ASTN2: variants seen among roughly 807,000 people sequenced by gnomAD.
The protein encoded by ASTN2 is astrotactin 2.
ASTN2 carries 54 observed loss-of-function variants against 139.8 expected under a neutral mutation model. The observed-to-expected ratio is 0.39, with a 90% CI of 0.31 to 0.48. The LOEUF is 0.48. Ranked by LOEUF, ASTN2 falls within the 20% of genes least tolerant of loss-of-function variation. The pLI, the probability that ASTN2 is intolerant of heterozygous loss-of-function variation, is 0.95. For missense variants in ASTN2, 1,565 were observed against 1,725.1 expected, an observed-to-expected ratio of 0.91 and a Z score of 1.64; for synonymous variants, 756 against 719.5, an observed-to-expected ratio of 1.05 and a Z score of -0.81.
chr9:116,749,379 G>A (rs1311708022), intron 13 of ASTN2, among the ~76,000 whole-genome samples: 5 of 152,136 alleles, frequency 3.3e-5, no homozygotes, highest in Non-Finnish European at 7.4e-5. Flanking sequence ...ACATGAGAGA[G>A]CTATAATGAG....
At chr9:116,778,625 G>A (rs1372337) in intron 13 of ASTN2, among the ~76,000 whole-genome samples, 26,630 of 152,016 alleles carry the variant, frequency 0.18, 2,367 homozygotes, top group East Asian at 0.24. Flanking sequence ...TTCCCCTGAT[G>A]ACTAGCTATA....
At chr9:117,308,880 T>A (rs1827864643) in intron 1 of ASTN2, among the ~76,000 whole-genome samples, 1 of 152,166 alleles carries the variant, frequency 6.6e-6, no homozygotes, top group Non-Finnish European at 1.5e-5. Context: ...ACTCCTAGAC[T>A]AGTGCGGCTA....
chr9:116,429,362 T>G lies in ASTN2; in HGVS notation c.3783-3274A>C, dbSNP rs946485478. ...CTGAAAAAAAAAAAAAAAAAAAAAG[T>G]AACCAAGTGGAGTGCACACTCAGGT... is the stretch of plus-strand genomic sequence containing the variant. On this transcript the variant is annotated intron_variant, in intron 22 of 22. Coordinates refer to ENST00000313400, the MANE Select transcript of ASTN2 (RefSeq NM_001365068.1). 2.4e-3 allele frequency among the ~76,000 whole-genome samples: 138 copies of G among 57,760 alleles called. 1 individual carries two copies. Among genetic ancestry groups the G allele is most frequent in the African/African-American group, 7.6e-3 (128 of 16,826 alleles). 37.9% of individuals were successfully genotyped at this position (57,760 alleles called of 152,430 possible).
intron 6 of ASTN2, among the ~76,000 whole-genome samples, chr9:117,020,306 A>G (rs778086909): frequency 6.6e-6 from 1 of 151,914 alleles, no homozygotes; most frequent in Non-Finnish European, 1.5e-5. Flanking sequence ...AAATTGTAGT[A>G]GTGAGTCAAA....
chr9:116,698,468 C>G lies in ASTN2; in HGVS notation c.2806+27303G>C, dbSNP rs1860997288. The G allele has an allele frequency of 6.2e-7, 1 of 1,613,814 alleles. No individual in the cohort carries two copies. The highest frequency in any genetic ancestry group is 1.3e-5 in the African/African-American group (1 of 74,890). ...AGGCTGTGTCTCGCTGTGACTACTT[C>G]CTGGCCAAGATCAAGCAGGCAGATG... is the stretch of plus-strand genomic sequence containing the variant. On this transcript the variant is annotated intron_variant, in intron 16 of 22. Coordinates refer to ENST00000313400, the MANE Select transcript of ASTN2 (RefSeq NM_001365068.1). This position sits in a 1 kb window ranked among gnomAD's most constrained non-coding sequence, Gnocchi z 4.4.
intron 10 of ASTN2, among the ~76,000 whole-genome samples, chr9:116,940,565 G>A (rs1007429918): frequency 1.3e-5 from 2 of 152,254 alleles, no homozygotes; most frequent in South Asian, 4.2e-4. Context: ...ATTTATAAAA[G>A]CTCATAGAAT....
intron 1 of ASTN2, among the ~76,000 whole-genome samples, chr9:117,303,467 C>T (rs1490648406): frequency 6.6e-6 from 1 of 152,102 alleles, no homozygotes; most frequent in Non-Finnish European, 1.5e-5. Flanking sequence ...CTACCCTCTC[C>T]TTCACCCCTG....
At position 116,425,761 on chromosome 9, in the gene ASTN2, C is replaced by T; in HGVS notation, c.*90G>A. On this transcript the variant is annotated 3_prime_UTR_variant, in exon 23 of 23. Coordinates refer to ENST00000313400, the MANE Select transcript of ASTN2 (RefSeq NM_001365068.1). ...ATCTGCTAGGCCCATCCTCAGCTGT[C>T]CCCCAGCCCACCCAGGCCCCAGGAT... is the stretch of plus-strand genomic sequence containing the variant. 6.2e-6 allele frequency: 10 copies of T among 1,605,166 alleles called. No homozygotes were observed. Among genetic ancestry groups the T allele is most frequent in the Middle Eastern group, 3.3e-4 (2 of 5,994 alleles).
At chr9:116,725,418 G>A (rs183131209) in intron 16 of ASTN2, among the ~76,000 whole-genome samples, 12 of 152,034 alleles carry the variant, frequency 7.9e-5, no homozygotes, top group South Asian at 4.2e-4. Flanking sequence ...AGAAGAAAGT[G>A]TCAAGAAGAC....
At chr9:116,598,635 A>G (rs1200925271) in intron 19 of ASTN2, among the ~76,000 whole-genome samples, 2 of 152,248 alleles carry the variant, frequency 1.3e-5, no homozygotes, top group Admixed American at 6.5e-5. Flanking sequence ...TAAAGAGACA[A>G]TAACAAGAGT....
intron 13 of ASTN2, among the ~76,000 whole-genome samples, chr9:116,783,550 T>C (rs984376271): frequency 6.6e-6 from 1 of 152,300 alleles, no homozygotes; most frequent in East Asian, 1.9e-4. Flanking sequence ...ATTATTAATA[T>C]ATATCCAACT....
At chr9:116,932,844 A>G (rs1429811121) in intron 10 of ASTN2, among the ~76,000 whole-genome samples, 6 of 151,956 alleles carry the variant, frequency 3.9e-5, no homozygotes, top group Non-Finnish European at 8.8e-5. Context: ...CGTCTCTACT[A>G]AAAATCCAAA....
chr9:117,375,691 G>A (rs1163273829), intron 1 of ASTN2, among the ~76,000 whole-genome samples: 1 of 152,202 alleles, frequency 6.6e-6, no homozygotes, highest in Non-Finnish European at 1.5e-5. Context: ...ACCACTTAGT[G>A]AGGATGTGTG....
intron 13 of ASTN2, among the ~76,000 whole-genome samples, chr9:116,752,095 C>T (rs1777906924): frequency 6.6e-6 from 1 of 152,142 alleles, no homozygotes; most frequent in South Asian, 2.1e-4. Context: ...GACTTTAAGA[C>T]TTACTATAAA....
intron 2 of ASTN2, among the ~76,000 whole-genome samples, chr9:117,247,289 C>T (rs1833408359): frequency 2.0e-5 from 3 of 152,186 alleles, no homozygotes. Flanking sequence ...AACTTAGGGT[C>T]TTTTGAGGCT....
At chr9:117,274,169 C>T (rs1352303130) in intron 2 of ASTN2, among the ~76,000 whole-genome samples, 2 of 151,902 alleles carry the variant, frequency 1.3e-5, no homozygotes, top group Non-Finnish European at 2.9e-5. Flanking sequence ...GCTAACATGG[C>T]GAAACCCCGT....
intron 16 of ASTN2, among the ~76,000 whole-genome samples, chr9:116,704,245 T>C (rs1215823517): frequency 6.6e-6 from 1 of 152,218 alleles, no homozygotes; most frequent in Non-Finnish European, 1.5e-5. Flanking sequence ...TTTTAATTAA[T>C]TTGTTAACCA....
At chr9:117,307,199 G>A (rs1835022754) in intron 1 of ASTN2, among the ~76,000 whole-genome samples, 1 of 152,200 alleles carries the variant, frequency 6.6e-6, no homozygotes, top group Non-Finnish European at 1.5e-5. Flanking sequence ...GTGAATCTAT[G>A]CATCTGAATC....
At chr9:117,248,360 G>C (rs1470341496) in intron 2 of ASTN2, among the ~76,000 whole-genome samples, 1 of 152,118 alleles carries the variant, frequency 6.6e-6, no homozygotes, top group African/African-American at 2.4e-5. Context: ...CGAATAAAAA[G>C]AGGAGTGACA....
Sources: allele counts gnomAD v4.1 joint callset (sites outside exome capture counted in the v4.1 genomes callset), GRCh38; gene constraint gnomAD v4.1.1; non-coding constraint Gnocchi (gnomAD v3.1); transcripts MANE v1.5; gene names NCBI Gene and HGNC (gene_info 2026-07-23, HGNC 2026-07-21).